Variants in ALPK1 observed in about 807,000 individuals in gnomAD.
ALPK1 encodes alpha-protein kinase 1.
Under a neutral mutation model 120.6 loss-of-function variants are expected in ALPK1, and 110 were observed. The ratio of observed to expected loss-of-function variants is 0.91; its 90% CI spans 0.78 to 1.07. ALPK1 has a LOEUF of 1.07. Among genes scored for constraint, ALPK1 ranks in the 50% least tolerant of loss-of-function variants. The pLI is 0.00. For missense variants in ALPK1, 1,498 were observed against 1,483.9 expected, an observed-to-expected ratio of 1.01 and a Z score of -0.16; for synonymous variants, 582 against 560.3, an observed-to-expected ratio of 1.04 and a Z score of -0.55.
At chr4:112,327,881 A>G (rs1729184837) in intron 2 of ALPK1, among the ~76,000 whole-genome samples, 1 of 152,238 alleles carries the variant, frequency 6.6e-6, no homozygotes, top group Non-Finnish European at 1.5e-5. Flanking sequence ...GGTAATGTAA[A>G]AGAAGAGTGC....
At chr4:112,332,696 A>G (rs146380225) in intron 2 of ALPK1, among the ~76,000 whole-genome samples, 15 of 152,322 alleles carry the variant, frequency 9.8e-5, no homozygotes, top group African/African-American at 3.1e-4. Flanking sequence ...ATACAGGATG[A>G]ATGCTTGGAC....
chr4:112,356,926 C>T (rs115733717), intron 2 of ALPK1: 16,994 of 757,544 alleles, frequency 0.022, 250 homozygotes, highest in Non-Finnish European at 0.03. Context: ...CATCCTTTGA[C>T]CTGACCCCCC....
At chr4:112,305,655 CGATGGGGTTTTCCA>C (rs1188396100) in intron 1 of ALPK1, among the ~76,000 whole-genome samples, 3 of 152,038 alleles carry the variant, frequency 2.0e-5, no homozygotes, top group East Asian at 1.9e-4. Flanking sequence ...TGGGCTGAGA[CGATGGGGTTTTCCA>C]GATATACAGT....
At chr4:112,421,563 T>C (rs1733992511) in intron 5 of ALPK1, among the ~76,000 whole-genome samples, 1 of 152,172 alleles carries the variant, frequency 6.6e-6, no homozygotes, top group African/African-American at 2.4e-5. Flanking sequence ...TTCTGGGCCG[T>C]CTTTATTTTC....
At position 112,438,481 on chromosome 4, in the gene ALPK1, T is replaced by C. The variant is rs761456699; in HGVS notation, c.3189-3T>C. ...TTGTTGTGTGGATTTTCTTTGTTCA[T>C]AGGTATGTTGGGAAAGACTATAAGG... On this transcript the variant is annotated splice_region_variant and splice_polypyrimidine_tract_variant and intron_variant, in intron 12 of 15. Transcript: ENST00000650871. 2 of 1,612,472 alleles carry C rather than the reference T, an allele frequency of 1.2e-6. No homozygotes were observed. Among genetic ancestry groups the C allele is most frequent in the Non-Finnish European group, 1.7e-6 (2 of 1,179,212 alleles).
At chr4:112,394,054 G>T (rs1732545507) in intron 4 of ALPK1, among the ~76,000 whole-genome samples, 1 of 152,162 alleles carries the variant, frequency 6.6e-6, no homozygotes, top group Admixed American at 6.5e-5. Context: ...CCATTGTTGG[G>T]TAGGTGGGGA....
chr4:112,395,358 G>A (rs1050624213), intron 4 of ALPK1, among the ~76,000 whole-genome samples: 3 of 152,124 alleles, frequency 2.0e-5, no homozygotes, highest in African/African-American at 7.2e-5. Context: ...GCATTTTTAA[G>A]CTCAACAAAT....
intron 8 of ALPK1, 54 bp from the exon 9 acceptor site, chr4:112,427,516 G>A: frequency 8.0e-7 from 1 of 1,242,426 alleles, no homozygotes; most frequent in Non-Finnish European, 1.2e-6. Context: ...ATGGATGAGA[G>A]CAGTAATCCA....
At chr4:112,357,965 G>A (rs1255105758) in intron 2 of ALPK1, 15 of 743,232 alleles carry the variant, frequency 2.0e-5, no homozygotes, top group Admixed American at 7.7e-5. Context: ...GGGGTCTACC[G>A]GCGCCACCTT....
At chr4:112,304,487 T>C (rs901837803) in intron 1 of ALPK1, among the ~76,000 whole-genome samples, 7 of 152,166 alleles carry the variant, frequency 4.6e-5, no homozygotes, top group African/African-American at 1.7e-4. Flanking sequence ...CATTTGCATT[T>C]CTCTGATGGC....
At chr4:112,363,172 C>G (rs920546244) in intron 2 of ALPK1, among the ~76,000 whole-genome samples, 2 of 152,078 alleles carry the variant, frequency 1.3e-5, no homozygotes, top group African/African-American at 4.8e-5. Context: ...AAAACCGTAA[C>G]ATAATGGAAA....
intron 1 of ALPK1, among the ~76,000 whole-genome samples, chr4:112,311,827 A>G (rs1443454356): frequency 1.3e-5 from 2 of 152,232 alleles, no homozygotes; most frequent in Admixed American, 1.3e-4. Flanking sequence ...GTTTGTGTTA[A>G]GTAGGTCGGG....
intron 4 of ALPK1, among the ~76,000 whole-genome samples, chr4:112,409,274 G>A (rs1733340988): frequency 6.6e-6 from 1 of 152,112 alleles, no homozygotes; most frequent in South Asian, 2.1e-4. Context: ...CTACCTCAAA[G>A]ACAGGGGCTG....
chr4:112,347,721 T>C (rs1032951650), intron 2 of ALPK1, among the ~76,000 whole-genome samples: 2 of 152,228 alleles, frequency 1.3e-5, no homozygotes, highest in African/African-American at 4.8e-5. Flanking sequence ...TTAAATACCA[T>C]TGAGAAGTTT....
chr4:112,309,714 C>G (rs939573010), intron 1 of ALPK1, among the ~76,000 whole-genome samples: 1 of 152,144 alleles, frequency 6.6e-6, no homozygotes, highest in Non-Finnish European at 1.5e-5. Context: ...TGAAGCTAAA[C>G]TTCAGTAGTG....
At chr4:112,435,426 A>G in intron 12 of ALPK1, 125 bp downstream of exon 12, 1 of 842,540 alleles carries the variant, frequency 1.2e-6, no homozygotes, top group South Asian at 1.8e-5. Context: ...CCAGATTTCT[A>G]CTCCTTTTTC....
At chr4:112,368,982 C>T (rs774391385) in intron 2 of ALPK1, among the ~76,000 whole-genome samples, 15 of 151,572 alleles carry the variant, frequency 9.9e-5, no homozygotes, top group Non-Finnish European at 1.5e-4. Context: ...ATCAAGGCAA[C>T]GGCTAGCTTC....
At chr4:112,422,179 G>T (rs191265015) in intron 5 of ALPK1, among the ~76,000 whole-genome samples, 69 of 152,252 alleles carry the variant, frequency 4.5e-4, no homozygotes, top group African/African-American at 1.5e-3. Flanking sequence ...AGAACGGCAC[G>T]CAATTTAAAA....
At chr4:112,340,244 T>C (rs1002952343) in intron 2 of ALPK1, among the ~76,000 whole-genome samples, 1 of 152,246 alleles carries the variant, frequency 6.6e-6, no homozygotes, top group South Asian at 2.1e-4. Flanking sequence ...CTGGATTTCA[T>C]GTAGAGCAGA....
Sources: allele counts gnomAD v4.1 joint callset (sites outside exome capture counted in the v4.1 genomes callset), GRCh38; gene constraint gnomAD v4.1.1; transcripts MANE v1.5; gene names NCBI Gene and HGNC (gene_info 2026-07-23, HGNC 2026-07-21).